The following ADARB2 variants were observed in gnomAD, a reference collection of about 807,000 sequenced individuals.
The protein encoded by ADARB2 is inactive double-stranded RNA-specific editase B2.
ADARB2 carries 25 observed loss-of-function variants against 62.2 expected under a neutral mutation model. The ratio of observed to expected loss-of-function variants is 0.40; its 90% CI spans 0.29 to 0.56. ADARB2 has a LOEUF of 0.56. Among genes scored for constraint, ADARB2 ranks in the 20% least tolerant of loss-of-function variants. ADARB2 has a pLI of 0.43. For synonymous variants in ADARB2, 572 were observed against 500.8 expected (o/e 1.14, Z -1.90); for missense variants, 1,071 against 1,077.4 (o/e 0.99, Z 0.08).
chr10:1,178,926 C>A lies in ADARB2; in HGVS notation c.*4267G>T, dbSNP rs1437436619. The A allele has an allele frequency of 6.6e-6, 1 of 152,156 alleles. No homozygotes were observed. Among genetic ancestry groups the A allele is most frequent in the East Asian group, 1.9e-4 (1 of 5,196 alleles). 9.4% of individuals were successfully genotyped at this position (152,156 alleles called of 1,614,324 possible). On this transcript the variant is annotated 3_prime_UTR_variant, in exon 10 of 10. Transcript: ENST00000381312. ...CATAAAAGGAAAGCCTCTCAGCTTCCCTTTGGTCTCTGTTAGAAAGTGATA... is the reference window on the plus strand; with the variant it reads ...CATAAAAGGAAAGCCTCTCAGCTTCACTTTGGTCTCTGTTAGAAAGTGATA...
chr10:1,736,984 T>G (rs1588371687), intron 1 of ADARB2, 67 bp downstream of exon 1: 15 of 1,523,352 alleles, frequency 9.8e-6, no homozygotes, highest in East Asian at 2.3e-5. Flanking sequence ...GGAGACCCCA[T>G]GAGAGGCCGG....
At chr10:1,537,030 AC>A (rs1481969368) in intron 1 of ADARB2, among the ~76,000 whole-genome samples, 2 of 152,374 alleles carry the variant, frequency 1.3e-5, no homozygotes, top group African/African-American at 4.8e-5. Context: ...CAGACAGCCT[AC>A]AGAATGGGAG....
intron 1 of ADARB2, among the ~76,000 whole-genome samples, chr10:1,594,798 T>C (rs1188823432): frequency 1.3e-5 from 2 of 152,272 alleles, no homozygotes; most frequent in South Asian, 2.1e-4. Flanking sequence ...GTCCTGTAAG[T>C]GGAGACTCGC....
chr10:1,420,036 G>A (rs1832839141), intron 1 of ADARB2, among the ~76,000 whole-genome samples: 1 of 152,168 alleles, frequency 6.6e-6, no homozygotes, highest in Non-Finnish European at 1.5e-5. Context: ...AATAAATATT[G>A]TAAAGTCAAT....
At chr10:1,343,919 G>A (rs1194232717) in intron 3 of ADARB2, among the ~76,000 whole-genome samples, 1 of 152,168 alleles carries the variant, frequency 6.6e-6, no homozygotes, top group Non-Finnish European at 1.5e-5. Flanking sequence ...CACCTCTCGG[G>A]CACTGTGCTA....
chr10:1,351,084 C>T (rs924960180), intron 3 of ADARB2, among the ~76,000 whole-genome samples: 10 of 152,264 alleles, frequency 6.6e-5, no homozygotes, highest in African/African-American at 2.2e-4. Flanking sequence ...CCTCCTAAGC[C>T]GTGTCCCATC....
chr10:1,213,150 G>A lies in ADARB2; in HGVS notation c.1682+3801C>T, dbSNP rs572483830. ...GATGAGATGGAGAGGGAGAGACAGAGACACAGAAAGACAGAGACAAGCAGA... is the reference window on the plus strand; with the variant it reads ...GATGAGATGGAGAGGGAGAGACAGAAACACAGAAAGACAGAGACAAGCAGA... On this transcript the variant is annotated intron_variant, in intron 7 of 9. Transcript: ENST00000381312. Among the ~76,000 whole-genome samples the A allele has an allele frequency of 4.6e-5, 7 of 152,186 alleles. No homozygotes were observed. In the South Asian group the frequency reaches 6.2e-4, roughly 14 times the overall value.
At chr10:1,487,866 G>A (rs976262484) in intron 1 of ADARB2, among the ~76,000 whole-genome samples, 11 of 152,130 alleles carry the variant, frequency 7.2e-5, no homozygotes, top group Non-Finnish European at 1.6e-4. Flanking sequence ...GCGGGTGTGA[G>A]GAGAGCTTGG....
chr10:1,667,013 T>A (rs553122253), intron 1 of ADARB2, among the ~76,000 whole-genome samples: 2 of 152,362 alleles, frequency 1.3e-5, no homozygotes, highest in South Asian at 2.1e-4. Flanking sequence ...AGAGGGTTTT[T>A]AAGTTATTGT....
chr10:1,229,717 CAT>C (rs76142789), intron 6 of ADARB2, among the ~76,000 whole-genome samples: 41,116 of 121,128 alleles, frequency 0.34, 6,794 homozygotes, highest in South Asian at 0.46. Context: ...TATGCGTGTT[CAT>C]GTGTGCACTT....
At chr10:1,619,667 G>T (rs1413289759) in intron 1 of ADARB2, among the ~76,000 whole-genome samples, 3 of 152,118 alleles carry the variant, frequency 2.0e-5, no homozygotes, top group East Asian at 1.9e-4. Context: ...GGCCAGGAGG[G>T]TCTCAATATC....
chr10:1,326,758 C>G lies in ADARB2; in HGVS notation c.1077+36270G>C. Reference sequence around the variant, plus strand: ...GGCACGGCGCCTCCCGACGGCACGGCGCCTCTGGTAGCACAGCCCCTCCTC... The same window carrying G: ...GGCACGGCGCCTCCCGACGGCACGGGGCCTCTGGTAGCACAGCCCCTCCTC... On this transcript the variant is annotated intron_variant, in intron 3 of 9. Coordinates refer to ENST00000381312, the MANE Select transcript of ADARB2 (RefSeq NM_018702.4). Among the ~76,000 whole-genome samples, 2 of 150,310 alleles carry G rather than the reference C, an allele frequency of 1.3e-5. 1 individual carries two copies. The highest frequency in any genetic ancestry group is 4.9e-5 in the African/African-American group (2 of 41,002).
chr10:1,358,873 C>T (rs938603746), intron 3 of ADARB2, among the ~76,000 whole-genome samples: 1 of 151,786 alleles, frequency 6.6e-6, no homozygotes, highest in Non-Finnish European at 1.5e-5. Context: ...TTCAGAGTTA[C>T]TGAGCACACA....
intron 1 of ADARB2, chr10:1,534,548 T>C (rs925765051): frequency 6.6e-6 from 1 of 152,298 alleles, no homozygotes; most frequent in Admixed American, 6.5e-5. Flanking sequence ...AATTCCGCCA[T>C]TACTTCCTCC....
intron 4 of ADARB2, among the ~76,000 whole-genome samples, chr10:1,270,488 T>G (rs1447115641): frequency 6.6e-6 from 1 of 152,228 alleles, no homozygotes; most frequent in Non-Finnish European, 1.5e-5. Context: ...TTAGCCCTCA[T>G]TCATCTTCCC....
chr10:1,673,990 A>G (rs1054358239), intron 1 of ADARB2, among the ~76,000 whole-genome samples: 1 of 152,274 alleles, frequency 6.6e-6, no homozygotes, highest in African/African-American at 2.4e-5. Context: ...TTAAATGTGC[A>G]AAACTGAGAA....
chr10:1,211,997 A>G (rs527823645), intron 7 of ADARB2, among the ~76,000 whole-genome samples: 58 of 152,300 alleles, frequency 3.8e-4, no homozygotes, highest in African/African-American at 1.1e-3. Flanking sequence ...GCTCCTGTGC[A>G]TCCTGCGCCG....
intron 1 of ADARB2, among the ~76,000 whole-genome samples, chr10:1,453,508 T>G (rs538556463): frequency 1.5e-4 from 23 of 152,216 alleles, no homozygotes; most frequent in Admixed American, 3.3e-4. Context: ...CACTGTTTCT[T>G]GAGAACACTG....
chr10:1,208,230 C>T (rs771867617), intron 7 of ADARB2, among the ~76,000 whole-genome samples: 7 of 152,362 alleles, frequency 4.6e-5, no homozygotes, highest in South Asian at 2.1e-4. Context: ...ATTTCTCTCA[C>T]CTGCCAGTGC....
Sources: allele counts gnomAD v4.1 joint callset (sites outside exome capture counted in the v4.1 genomes callset), GRCh38; gene constraint gnomAD v4.1.1; transcripts MANE v1.5; gene names NCBI Gene and HGNC (gene_info 2026-07-23, HGNC 2026-07-21).